Variants in CCSER1 observed in about 807,000 individuals in gnomAD.
CCSER1 encodes serine-rich coiled-coil domain-containing protein 1.
CCSER1 carries 41 observed loss-of-function variants against 82.0 expected under a neutral mutation model. That is an observed-to-expected ratio of 0.50 (90% CI 0.39 to 0.65). CCSER1 has a LOEUF of 0.65. Ranked by LOEUF, CCSER1 falls within the 30% of genes least tolerant of loss-of-function variation. The pLI, the probability that CCSER1 is intolerant of heterozygous loss-of-function variation, is 0.00. For missense variants in CCSER1, 1,119 were observed against 1,064.2 expected, an observed-to-expected ratio of 1.05 and a Z score of -0.72; for synonymous variants, 414 against 383.9, an observed-to-expected ratio of 1.08 and a Z score of -0.92.
chr4:90,829,931 G>T (rs1038418587), intron 8 of CCSER1, among the ~76,000 whole-genome samples: 1 of 152,150 alleles, frequency 6.6e-6, no homozygotes, highest in Non-Finnish European at 1.5e-5. Context: ...CTAGTAGCAT[G>T]TGTTCTTGAA....
At chr4:90,328,606 G>A (rs1738647328) in intron 3 of CCSER1, among the ~76,000 whole-genome samples, 1 of 152,072 alleles carries the variant, frequency 6.6e-6, no homozygotes, top group African/African-American at 2.4e-5. Context: ...CAAGCAAAAG[G>A]CAGTGGCAAA....
chr4:90,455,816 C>T (rs190882397), intron 4 of CCSER1, among the ~76,000 whole-genome samples: 19 of 152,282 alleles, frequency 1.2e-4, no homozygotes, highest in African/African-American at 3.9e-4. Context: ...CCTCCATCCA[C>T]GATGCAGGAG....
intron 1 of CCSER1, among the ~76,000 whole-genome samples, chr4:90,182,763 T>C (rs1359201503): frequency 6.6e-6 from 1 of 152,122 alleles, no homozygotes; most frequent in Non-Finnish European, 1.5e-5. Flanking sequence ...CACCTAACAC[T>C]TTGATGAAAT....
chr4:90,224,955 C>T (rs1276838972), intron 1 of CCSER1, among the ~76,000 whole-genome samples: 1 of 152,044 alleles, frequency 6.6e-6, no homozygotes, highest in Non-Finnish European at 1.5e-5. Context: ...GCCCTTATCC[C>T]TCTCATGTAT....
intron 10 of CCSER1, among the ~76,000 whole-genome samples, chr4:91,134,007 A>T (rs1463804612): frequency 6.6e-6 from 1 of 152,108 alleles, no homozygotes; most frequent in African/African-American, 2.4e-5. Context: ...GCTGGGGCAG[A>T]AGAATTGCTT....
At chr4:90,656,877 G>A (rs1420920445) in intron 6 of CCSER1, among the ~76,000 whole-genome samples, 1 of 151,886 alleles carries the variant, frequency 6.6e-6, no homozygotes, top group East Asian at 1.9e-4. Flanking sequence ...TAATTTAAAT[G>A]AACACATGTA....
chr4:91,475,327 C>T (rs925531858), intron 10 of CCSER1, among the ~76,000 whole-genome samples: 1 of 151,814 alleles, frequency 6.6e-6, no homozygotes, highest in Non-Finnish European at 1.5e-5. Context: ...AAGAAATGCT[C>T]TTACTTCACT....
At chr4:90,531,762 C>T (rs1774560022) in intron 5 of CCSER1, among the ~76,000 whole-genome samples, 1 of 152,148 alleles carries the variant, frequency 6.6e-6, no homozygotes, top group African/African-American at 2.4e-5. Context: ...GACATACATA[C>T]ACGCATGCAT....
chr4:90,586,994 A>C (rs1299837476), intron 5 of CCSER1, among the ~76,000 whole-genome samples: 1 of 152,220 alleles, frequency 6.6e-6, no homozygotes, highest in Non-Finnish European at 1.5e-5. Flanking sequence ...TACCATAATC[A>C]CAGGGTTCCT....
At chr4:90,981,728 A>C (rs2150422651) in intron 9 of CCSER1, among the ~76,000 whole-genome samples, 1 of 151,996 alleles carries the variant, frequency 6.6e-6, no homozygotes, top group African/African-American at 2.4e-5. Flanking sequence ...TAACTACGTG[A>C]GCTCTGAAGG....
At chr4:91,148,602 T>G (rs551256476) in intron 10 of CCSER1, among the ~76,000 whole-genome samples, 1 of 152,262 alleles carries the variant, frequency 6.6e-6, no homozygotes, top group South Asian at 2.1e-4. Flanking sequence ...ATCATTTACA[T>G]TAGGTATATC....
At chr4:90,943,729 A>ATTTTTTTTTATTTTTTTTTTTTTTTTTT (rs1731872521) in intron 9 of CCSER1, among the ~76,000 whole-genome samples, 1 of 68,852 alleles carries the variant, frequency 1.5e-5, no homozygotes, top group African/African-American at 6.3e-5. Context: ...TGCCAGGCTA[A>ATTTTTTTTTATTTTTTTTTTTTTTTTTT]TTTTTTTTTT....
chr4:90,683,811 A>G (rs1734316357), intron 6 of CCSER1, among the ~76,000 whole-genome samples: 1 of 152,126 alleles, frequency 6.6e-6, no homozygotes, highest in South Asian at 2.1e-4. Context: ...TAATGTCTCA[A>G]GTAGTAAACT....
At chr4:91,581,947 G>C (rs996130384) in intron 10 of CCSER1, among the ~76,000 whole-genome samples, 1 of 151,536 alleles carries the variant, frequency 6.6e-6, no homozygotes, top group African/African-American at 2.4e-5. Flanking sequence ...ATTTTTACTT[G>C]ATTCATAACA....
intron 10 of CCSER1, among the ~76,000 whole-genome samples, chr4:91,410,099 C>T (rs575652735): frequency 7.9e-5 from 12 of 152,210 alleles, no homozygotes; most frequent in Middle Eastern, 6.8e-3. Flanking sequence ...TTTACTCAGT[C>T]CTGGTTTTCT....
At chr4:90,185,068 T>C (rs1205684337) in intron 1 of CCSER1, among the ~76,000 whole-genome samples, 1 of 152,070 alleles carries the variant, frequency 6.6e-6, no homozygotes. Context: ...TTCCCATCAG[T>C]GTCACTCGCT....
At chr4:91,425,907 T>C (rs1384121801) in intron 10 of CCSER1, among the ~76,000 whole-genome samples, 1 of 152,216 alleles carries the variant, frequency 6.6e-6, no homozygotes, top group Non-Finnish European at 1.5e-5. Flanking sequence ...TTTAAAATTA[T>C]ACTTTAAGAC....
intron 5 of CCSER1, among the ~76,000 whole-genome samples, chr4:90,478,437 T>C (rs149729758): frequency 1.2e-3 from 178 of 152,320 alleles, no homozygotes; most frequent in African/African-American, 3.8e-3. Flanking sequence ...GGATGAAATT[T>C]TACATTGTAA....
chr4:90,143,491 T>TACACACACACACACAC lies in CCSER1; in HGVS notation c.-42+15681_-42+15696dup, dbSNP rs56859054. 1.7e-3 allele frequency among the ~76,000 whole-genome samples: 244 copies of TACACACACACACACAC among 141,392 alleles called. 1 individual carries two copies. Among genetic ancestry groups the TACACACACACACACAC allele is most frequent in the African/African-American group, 3.5e-3 (134 of 38,286 alleles). 92.8% of individuals were successfully genotyped at this position (141,392 alleles called of 152,430 possible). A position where few individuals can be genotyped will look rare whatever the true frequency, so the allele number is the denominator to read the frequency against. The stretch of plus-strand genomic sequence containing the variant: ...TTCTGTTTCCTAGCAAGTACACACA[T>TACACACACACACACAC]ACACACACACACACACACACACACA... On this transcript the variant is annotated intron_variant, in intron 1 of 10. Coordinates refer to ENST00000509176, the MANE Select transcript of CCSER1 (RefSeq NM_001145065.2).
Sources: gnomAD v4.1 joint callset for allele counts (sites outside exome capture counted in the v4.1 genomes callset) on GRCh38, gnomAD v4.1.1 for gene constraint, MANE v1.5 for transcripts, NCBI Gene and HGNC (gene_info 2026-07-23, HGNC 2026-07-21) for gene names.